Variants in WDR25 observed in about 807,000 individuals in gnomAD.
WDR25 encodes the protein WD repeat domain 25.
In WDR25, 35 loss-of-function variants were observed where a neutral mutation model predicts 47.7. That is an observed-to-expected ratio of 0.73 (90% CI 0.56 to 0.97). The LOEUF (loss-of-function observed/expected upper bound fraction) is 0.97. WDR25 is among the 50% of genes least tolerant of loss of function. The pLI is 0.00. For synonymous variants in WDR25, 248 were observed against 278.9 expected, an observed-to-expected ratio of 0.89 and a Z score of 1.10; for missense variants, 634 against 704.7, an observed-to-expected ratio of 0.90 and a Z score of 1.14.
intron 2 of WDR25, among the ~76,000 whole-genome samples, chr14:100,406,374 T>C (rs755362386): frequency 1.3e-5 from 2 of 152,236 alleles, no homozygotes; most frequent in Non-Finnish European, 2.9e-5. Flanking sequence ...CTCGAGCATT[T>C]GCTGTGTGCC....
chr14:100,376,692 A>G (rs1896688797), intron 1 of WDR25, 197 bp downstream of exon 1: 12 of 1,231,132 alleles, frequency 9.7e-6, no homozygotes, highest in Non-Finnish European at 1.1e-5. Context: ...TCATCCTTCA[A>G]AACCCATCTC....
chr14:100,457,346 G>A (rs1185068934), intron 2 of WDR25, among the ~76,000 whole-genome samples: 2 of 152,200 alleles, frequency 1.3e-5, no homozygotes, highest in African/African-American at 2.4e-5. Flanking sequence ...GAGCAAAGAC[G>A]AGAGTGACCT....
At chr14:100,446,374 G>T (rs980967323) in intron 2 of WDR25, among the ~76,000 whole-genome samples, 4 of 151,936 alleles carry the variant, frequency 2.6e-5, no homozygotes, top group East Asian at 3.9e-4. Context: ...GGCCCACATG[G>T]TTAGGCCATC....
chr14:100,431,133 A>T (rs973363884), intron 2 of WDR25, among the ~76,000 whole-genome samples: 1 of 152,216 alleles, frequency 6.6e-6, no homozygotes, highest in Non-Finnish European at 1.5e-5. Context: ...TTTTATTAGT[A>T]TGGCTAATTA....
At chr14:100,447,597 G>T (rs1898880343) in intron 2 of WDR25, among the ~76,000 whole-genome samples, 1 of 152,188 alleles carries the variant, frequency 6.6e-6, no homozygotes, top group African/African-American at 2.4e-5. Context: ...AGACTTGAGT[G>T]CTCTGTTTGG....
At chr14:100,477,032 CAACTTCTATGTTAACTAAG>C in intron 3 of WDR25, among the ~76,000 whole-genome samples, 1 of 152,174 alleles carries the variant, frequency 6.6e-6, no homozygotes, top group Non-Finnish European at 1.5e-5. Context: ...TAGACGTTTG[CAACTTCTATGTTAACTAAG>C]AACTTCTTAG....
chr14:100,510,149 A>G (rs1263015067), intron 4 of WDR25, among the ~76,000 whole-genome samples: 1 of 151,914 alleles, frequency 6.6e-6, no homozygotes, highest in East Asian at 1.9e-4. Context: ...GTGTGTCTGT[A>G]GTCCTAGCTA....
intron 2 of WDR25, among the ~76,000 whole-genome samples, chr14:100,436,337 C>T (rs895336907): frequency 1.3e-5 from 2 of 152,200 alleles, no homozygotes; most frequent in African/African-American, 2.4e-5. Context: ...GTGTGCTTGT[C>T]ATACTTAGAC....
In WDR25 at chr14:100,440,616, C is replaced by CTA. The variant is rs1898640341; in HGVS notation, c.823-27402_823-27401dup. ...GAAGGAGCCCAGGCTGCCCTGGCTG[C>CTA]TATACGCATCCTTCCAGGCAACCTT... On this transcript the variant is annotated intron_variant, in intron 2 of 6. Transcript: ENST00000402312. This position sits in a 1 kb window ranked among gnomAD's most constrained non-coding sequence, Gnocchi z 4.4. 2.6e-5 allele frequency among the ~76,000 whole-genome samples: 4 copies of CTA among 152,366 alleles called. No homozygotes were observed. In the South Asian group the frequency reaches 8.3e-4, roughly 32 times the overall value.
chr14:100,454,187 C>G lies in WDR25; in HGVS notation c.823-13834C>G, dbSNP rs184819331. On this transcript the variant is annotated intron_variant, in intron 2 of 6. Coordinates refer to ENST00000402312, the MANE Select transcript of WDR25 (RefSeq NM_001161476.3). ...TCCCATACCATGTATCCTACAAACC[C>G]TGAAGTGTTCCCAGGTTCTCTGCAA... 1.3e-3 allele frequency among the ~76,000 whole-genome samples: 203 copies of G among 152,268 alleles called. No individual in the cohort carries two copies. The Middle Eastern group carries it at 0.02, about 15-fold the overall frequency.
chr14:100,390,567 T>C (rs1469631688), intron 2 of WDR25, among the ~76,000 whole-genome samples: 1 of 152,234 alleles, frequency 6.6e-6, no homozygotes, highest in Non-Finnish European at 1.5e-5. Context: ...CTGGTCAGCT[T>C]CTCAGGGAGG....
rs1226425180 is a variant in WDR25 at position 100,509,552 on chromosome 14, G to A, written c.1102-16318G>A. Among the ~76,000 whole-genome samples, 9 of 151,966 alleles carry A rather than the reference G, an allele frequency of 5.9e-5. No individual in the cohort carries two copies. The East Asian group carries it at 7.7e-4, about 13-fold the overall frequency. ...TCTTTATTTTTCCTTCATTTTTGTC[G>A]TGTCCTGCCCTTTTTATACTTTTAT... On this transcript the variant is annotated intron_variant, in intron 4 of 6. Coordinates refer to ENST00000402312, the MANE Select transcript of WDR25 (RefSeq NM_001161476.3).
chr14:100,497,191 C>T (rs1006850403), intron 4 of WDR25, among the ~76,000 whole-genome samples: 5 of 152,162 alleles, frequency 3.3e-5, no homozygotes, highest in East Asian at 1.9e-4. Flanking sequence ...CCATATGCTC[C>T]GTGCATTTTG....
chr14:100,426,173 C>T (rs995699049), intron 2 of WDR25, among the ~76,000 whole-genome samples: 3 of 152,230 alleles, frequency 2.0e-5, no homozygotes, highest in African/African-American at 7.2e-5. Context: ...CTGGGAGAAT[C>T]CATCACAAAA....
intron 2 of WDR25, among the ~76,000 whole-genome samples, chr14:100,448,839 TG>T (rs1244275288): frequency 6.6e-6 from 1 of 152,050 alleles, no homozygotes; most frequent in African/African-American, 2.4e-5. Flanking sequence ...ACTTGGCTTA[TG>T]GGAGTCAGGA....
chr14:100,417,492 C>T (rs576534440), intron 2 of WDR25, among the ~76,000 whole-genome samples: 14 of 152,322 alleles, frequency 9.2e-5, no homozygotes, highest in South Asian at 2.1e-4. Context: ...TGTTAAGACC[C>T]TGAGCAGCCA....
intron 2 of WDR25, among the ~76,000 whole-genome samples, chr14:100,442,696 C>T (rs1442235944): frequency 6.6e-6 from 1 of 152,182 alleles, no homozygotes; most frequent in African/African-American, 2.4e-5. Flanking sequence ...AGCTGCTATT[C>T]TGTGTACTAA....
chr14:100,383,354 C>G (rs1351008736), intron 2 of WDR25, among the ~76,000 whole-genome samples: 1 of 152,188 alleles, frequency 6.6e-6, no homozygotes, highest in African/African-American at 2.4e-5. Context: ...TCCTGTGGCC[C>G]CGGGGCTTCT....
chr14:100,504,029 A>G (rs958173784), intron 4 of WDR25, among the ~76,000 whole-genome samples: 12 of 152,238 alleles, frequency 7.9e-5, no homozygotes, highest in African/African-American at 2.9e-4. Context: ...TTATAAAATT[A>G]TGGCCATGCT....
Sources: allele counts gnomAD v4.1 joint callset (sites outside exome capture counted in the v4.1 genomes callset), GRCh38; gene constraint gnomAD v4.1.1; non-coding constraint Gnocchi (gnomAD v3.1); transcripts MANE v1.5; gene names NCBI Gene and HGNC (gene_info 2026-07-23, HGNC 2026-07-21).